Variants in KCNN2 observed in about 807,000 individuals in gnomAD.
The protein encoded by KCNN2 is small conductance calcium-activated potassium channel protein 2.
In KCNN2, 24 loss-of-function variants were observed where a neutral mutation model predicts 55.5. The ratio of observed to expected loss-of-function variants is 0.43; its 90% CI spans 0.31 to 0.61. The LOEUF is 0.61. Ranked by LOEUF, KCNN2 falls within the 20% of genes least tolerant of loss-of-function variation. The probability of loss-of-function intolerance (pLI) is 0.08; values close to 1 mark genes in which losing one functional copy is unlikely to be tolerated. For synonymous variants in KCNN2, 431 were observed against 336.1 expected (o/e 1.28, Z -3.09); for missense variants, 754 against 853.6 (o/e 0.88, Z 1.45).
chr5:114,254,707 G>A (rs1754947792), intron 2 of KCNN2, among the ~76,000 whole-genome samples: 1 of 152,002 alleles, frequency 6.6e-6, no homozygotes, highest in Admixed American at 6.6e-5. Context: ...TATCATATCT[G>A]TTCCTTAGAA....
rs368773249 is a variant in KCNN2, at chr5:114,134,458, G to GATTTATTTATTTATTT, written c.-271+77995_-271+78010dup. ...TACTTTAACTTTGCAATCCAACCAT[G>GATTTATTTATTTATTT]ATTTATTTATTTATTTATTTATTTA... is the stretch of plus-strand genomic sequence containing the variant. On this transcript the variant is annotated intron_variant, in intron 1 of 10. Transcript: ENST00000512097. 1.7e-3 allele frequency among the ~76,000 whole-genome samples: 227 copies of GATTTATTTATTTATTT among 137,402 alleles called. 3 individuals carry two copies. The highest frequency in any genetic ancestry group is 4.2e-3 in the Admixed American group (55 of 13,242). 90.1% of individuals were successfully genotyped at this position (137,402 alleles called of 152,430 possible).
intron 2 of KCNN2, among the ~76,000 whole-genome samples, chr5:114,392,501 A>G (rs1291540868): frequency 6.6e-6 from 1 of 152,192 alleles, no homozygotes; most frequent in Non-Finnish European, 1.5e-5. Flanking sequence ...AGACAGAGGA[A>G]GGTTCCAGGA....
At chr5:114,244,763 G>T (rs1269521798) in intron 2 of KCNN2, among the ~76,000 whole-genome samples, 2 of 152,144 alleles carry the variant, frequency 1.3e-5, no homozygotes, top group Non-Finnish European at 2.9e-5. Context: ...TGGTGTTTAT[G>T]TCAATTAACG....
intron 1 of KCNN2, among the ~76,000 whole-genome samples, chr5:114,114,484 C>A (rs1388806720): frequency 6.6e-6 from 1 of 152,164 alleles, no homozygotes; most frequent in East Asian, 1.9e-4. Context: ...AGTGATCCTC[C>A]CACCTTAGCT....
At chr5:114,162,641 G>A (rs983776548) in intron 1 of KCNN2, among the ~76,000 whole-genome samples, 2 of 152,178 alleles carry the variant, frequency 1.3e-5, no homozygotes, top group Non-Finnish European at 2.9e-5. Flanking sequence ...GAGCTGTGGT[G>A]GGCTCCACCC....
intron 1 of KCNN2, among the ~76,000 whole-genome samples, chr5:114,143,534 C>T (rs968891543): frequency 2.6e-5 from 4 of 152,170 alleles, no homozygotes; most frequent in African/African-American, 9.6e-5. Flanking sequence ...TCCCTATGAA[C>T]AGGTGCCCCT....
intron 1 of KCNN2, among the ~76,000 whole-genome samples, chr5:114,134,460 T>C (rs1752130725): frequency 2.2e-5 from 1 of 46,362 alleles, no homozygotes; most frequent in East Asian, 3.7e-4. Context: ...CCAACCATGA[T>C]TTATTTATTT....
chr5:114,068,002 C>G (rs1386513936), intron 1 of KCNN2, among the ~76,000 whole-genome samples: 1 of 152,124 alleles, frequency 6.6e-6, no homozygotes, highest in African/African-American at 2.4e-5. Flanking sequence ...TTACTAACAA[C>G]TAATTTTTCC....
At chr5:114,078,072 G>A (rs1259404937) in intron 1 of KCNN2, among the ~76,000 whole-genome samples, 3 of 152,196 alleles carry the variant, frequency 2.0e-5, no homozygotes, top group Non-Finnish European at 4.4e-5. Flanking sequence ...CAGATCTGAG[G>A]AGACTATCCA....
At chr5:114,098,207 T>C (rs1751301977) in intron 1 of KCNN2, among the ~76,000 whole-genome samples, 1 of 152,140 alleles carries the variant, frequency 6.6e-6, no homozygotes, top group African/African-American at 2.4e-5. Context: ...TCTACCTGGA[T>C]AATCTCTCCA....
At chr5:114,322,133 A>G (rs1258888916) in intron 2 of KCNN2, among the ~76,000 whole-genome samples, 2 of 152,212 alleles carry the variant, frequency 1.3e-5, no homozygotes, top group African/African-American at 2.4e-5. Flanking sequence ...ACATGAAGAC[A>G]CCAGTTTAAA....
intron 2 of KCNN2, among the ~76,000 whole-genome samples, chr5:114,364,868 A>G (rs185843615): frequency 2.0e-5 from 3 of 151,720 alleles, no homozygotes; most frequent in African/African-American, 7.2e-5. Context: ...GTCCTGGTGC[A>G]TGAGAATTTG....
chr5:114,250,310 TG>T (rs2112625614), intron 2 of KCNN2, among the ~76,000 whole-genome samples: 1 of 152,248 alleles, frequency 6.6e-6, no homozygotes, highest in South Asian at 2.1e-4. Flanking sequence ...GGTCTAGAAC[TG>T]GGGAACTTGA....
intron 1 of KCNN2, among the ~76,000 whole-genome samples, chr5:114,209,881 T>C (rs2112580869): frequency 6.6e-6 from 1 of 152,288 alleles, no homozygotes; most frequent in Admixed American, 6.5e-5. Context: ...TATTCACAGA[T>C]TCCTTATTTG....
At chr5:114,235,387 T>C (rs1240736616) in intron 2 of KCNN2, among the ~76,000 whole-genome samples, 2 of 152,240 alleles carry the variant, frequency 1.3e-5, no homozygotes, top group Non-Finnish European at 2.9e-5. Context: ...AATGGAACTT[T>C]AGCGTTAAAA....
chr5:114,329,394 T>C (rs888175491), intron 2 of KCNN2, among the ~76,000 whole-genome samples: 1 of 152,196 alleles, frequency 6.6e-6, no homozygotes, highest in Admixed American at 6.5e-5. Context: ...CCAGTGCGGC[T>C]AGAATAAAGT....
intron 2 of KCNN2, among the ~76,000 whole-genome samples, chr5:114,303,308 G>C (rs574860340): frequency 6.6e-5 from 10 of 152,318 alleles, no homozygotes; most frequent in African/African-American, 2.2e-4. Context: ...GAGAAATGCT[G>C]AACATCACAG....
chr5:114,395,818 T>C (rs1484874237), intron 2 of KCNN2, among the ~76,000 whole-genome samples: 1 of 152,148 alleles, frequency 6.6e-6, no homozygotes, highest in African/African-American at 2.4e-5. Flanking sequence ...GCTTTCCAGA[T>C]CCTCTTACGT....
chr5:114,177,231 G>A (rs1484184262), intron 1 of KCNN2, among the ~76,000 whole-genome samples: 2 of 149,032 alleles, frequency 1.3e-5, no homozygotes, highest in Non-Finnish European at 3.0e-5. Context: ...TCCGCCTCCC[G>A]GGATCACGCC....
Sources: allele counts gnomAD v4.1 joint callset (sites outside exome capture counted in the v4.1 genomes callset), GRCh38; gene constraint gnomAD v4.1.1; transcripts MANE v1.5; gene names NCBI Gene and HGNC (gene_info 2026-07-23, HGNC 2026-07-21).